The following PSMD1 variants were observed in gnomAD, a reference collection of about 807,000 sequenced individuals.
PSMD1 encodes proteasome 26S subunit, non-ATPase 1.
Under a neutral mutation model 119.0 loss-of-function variants are expected in PSMD1, and 18 were observed. The ratio of observed to expected loss-of-function variants is 0.15; its 90% confidence interval spans 0.10 to 0.22. PSMD1 has a LOEUF of 0.22. Among genes scored for constraint, PSMD1 ranks in the 10% least tolerant of loss-of-function variants. The pLI is 1.00. For synonymous variants in PSMD1, 374 were observed against 396.6 expected, an observed-to-expected ratio of 0.94 and a Z score of 0.68; for missense variants, 702 against 1,158.5, an observed-to-expected ratio of 0.61 and a Z score of 5.72.
chr2:231,132,273 G>T (rs1695873519), intron 16 of PSMD1, among the ~76,000 whole-genome samples: 4 of 152,140 alleles, frequency 2.6e-5, no homozygotes, highest in Non-Finnish European at 5.9e-5. Flanking sequence ...AAGTAAAAAT[G>T]ACAAAATAAA....
At position 231,171,684 on chromosome 2, in the gene PSMD1, G is replaced by A. The variant is rs565152760; in HGVS notation, c.*10-851G>A. On this transcript the variant is annotated intron_variant, in intron 24 of 24. Coordinates refer to ENST00000308696, the MANE Select transcript of PSMD1 (RefSeq NM_002807.4). ...CGATTCTCCTGCCTCAGCCTTTCGAGTAGCTGGGATTACAGGCATGCGCCA... is the reference window on the plus strand; with the variant it reads ...CGATTCTCCTGCCTCAGCCTTTCGAATAGCTGGGATTACAGGCATGCGCCA... Among the ~76,000 whole-genome samples, 3 of 151,470 alleles carry A rather than the reference G, an allele frequency of 2.0e-5. No homozygotes were observed. In the East Asian group the frequency reaches 5.8e-4, roughly 30 times the overall value.
intron 16 of PSMD1, among the ~76,000 whole-genome samples, chr2:231,125,485 G>A (rs1267488230): frequency 3.9e-5 from 6 of 152,154 alleles, no homozygotes; most frequent in Admixed American, 1.3e-4. Flanking sequence ...TAGCTTTTGT[G>A]CCTTTGCTGT....
At chr2:231,083,809 A>G (rs774245256) in intron 14 of PSMD1, 46 bp downstream of exon 14, 100 of 1,574,622 alleles carry the variant, frequency 6.4e-5, no homozygotes, top group Non-Finnish European at 8.6e-5. Context: ...TCCAGCATGT[A>G]AAAAACACTT....
At chr2:231,094,407 T>C (rs915729491) in intron 16 of PSMD1, among the ~76,000 whole-genome samples, 2 of 152,014 alleles carry the variant, frequency 1.3e-5, no homozygotes, top group Non-Finnish European at 2.9e-5. Context: ...TGATTAGAAA[T>C]AGGATGTGTA....
intron 22 of PSMD1, among the ~76,000 whole-genome samples, 162 bp from the exon 23 acceptor site, chr2:231,165,708 TA>T (rs1696762831): frequency 6.6e-6 from 1 of 152,216 alleles, no homozygotes; most frequent in Admixed American, 6.5e-5. Context: ...TAAGCAGAGT[TA>T]CTTTTCCCTC....
Position 231,170,504 on chromosome 2 carries a change from T to C in PSMD1, c.2716-62T>C. 2 of 1,462,936 alleles carry C rather than the reference T, an allele frequency of 1.4e-6. No individual in the cohort carries two copies. The highest frequency in any genetic ancestry group is 1.8e-6 in the Non-Finnish European group (2 of 1,094,448). The allele number at this position is 1,462,936 out of a possible 1,614,324, so 90.6% of individuals were successfully genotyped here. On this transcript the variant is annotated intron_variant, in intron 23 of 24. Coordinates refer to ENST00000308696, the MANE Select transcript of PSMD1 (RefSeq NM_002807.4). This position sits in a 1 kb window ranked among gnomAD's most constrained non-coding sequence, Gnocchi z 4.1. The stretch of plus-strand genomic sequence containing the variant: ...AAAGTACCATTTAACAAGTATTTAC[T>C]CTAGATTGTGGAGCACGCTTGAAAT...
chr2:231,083,021 AGC>A, intron 13 of PSMD1, 27 bp downstream of exon 13: 1 of 1,499,960 alleles, frequency 6.7e-7, no homozygotes, highest in South Asian at 1.1e-5. Flanking sequence ...AAAGCTAACA[AGC>A]TTAAGTATTA....
At chr2:231,160,309 G>A (rs1696607762) in intron 19 of PSMD1, among the ~76,000 whole-genome samples, 1 of 152,186 alleles carries the variant, frequency 6.6e-6, no homozygotes, top group South Asian at 2.1e-4. Context: ...CATGGTTACA[G>A]GGCTAGTTAA....
rs542928223 is a variant in PSMD1 at position 231,167,696 on chromosome 2, G to C, written c.2715+1679G>C. ...TTGACTTTAGTGGACACACAAATCA[G>C]GGAATACAAACTTTATAGAATAGGA... On this transcript the variant is annotated intron_variant, in intron 23 of 24. Transcript: ENST00000308696. Among the ~76,000 whole-genome samples, 8 of 152,280 alleles carry C rather than the reference G, an allele frequency of 5.3e-5. No individual in the cohort carries two copies. In the South Asian group the frequency reaches 1.7e-3, roughly 32 times the overall value.
intron 18 of PSMD1, among the ~76,000 whole-genome samples, chr2:231,152,225 G>C (rs1696392092): frequency 6.6e-6 from 1 of 152,172 alleles, no homozygotes; most frequent in South Asian, 2.1e-4. Flanking sequence ...TGTGTGCTGG[G>C]TAGTGGCAGA....
intron 16 of PSMD1, among the ~76,000 whole-genome samples, chr2:231,098,655 G>A (rs1309713854): frequency 6.6e-6 from 1 of 151,974 alleles, no homozygotes; most frequent in African/African-American, 2.4e-5. Flanking sequence ...TTCCTCTAGG[G>A]GAGGGACCAG....
intron 1 of PSMD1, 99 bp downstream of exon 1, chr2:231,057,140 G>A: frequency 1.4e-6 from 2 of 1,380,514 alleles, no homozygotes; most frequent in Non-Finnish European, 1.9e-6. Context: ...CCGGCGGAAC[G>A]CCGGCCTGGG....
intron 16 of PSMD1, chr2:231,113,889 C>T (rs778814809): frequency 1.5e-5 from 25 of 1,613,990 alleles, no homozygotes; most frequent in Non-Finnish European, 2.1e-5. Flanking sequence ...CAAGAAATAA[C>T]CAGGCAGGAC....
At chr2:231,165,400 A>G (rs1320998206) in intron 22 of PSMD1, 114 bp downstream of exon 22, 1 of 1,242,208 alleles carries the variant, frequency 8.1e-7, no homozygotes, top group African/African-American at 1.5e-5. Flanking sequence ...TCAAACAATT[A>G]TCCTGTTGCC....
chr2:231,084,200 A>C (rs1694379804), intron 14 of PSMD1, among the ~76,000 whole-genome samples: 2 of 151,960 alleles, frequency 1.3e-5, no homozygotes, highest in Non-Finnish European at 2.9e-5. Flanking sequence ...CGTAGAAAAA[A>C]AATTAGCCAG....
At chr2:231,086,191 A>G (rs577347890) in intron 15 of PSMD1, among the ~76,000 whole-genome samples, 1 of 152,116 alleles carries the variant, frequency 6.6e-6, no homozygotes, top group South Asian at 2.1e-4. Flanking sequence ...CTACAGGCAC[A>G]CACCACCGTG....
At chr2:231,127,274 C>CAAAAAAAAA (rs774471116) in intron 16 of PSMD1, among the ~76,000 whole-genome samples, 2 of 115,736 alleles carry the variant, frequency 1.7e-5, no homozygotes, top group Non-Finnish European at 3.8e-5. Flanking sequence ...ACAACAACAA[C>CAAAAAAAAA]AAAAAAAAAA....
At chr2:231,113,563 G>T (rs1295809867) in intron 16 of PSMD1, among the ~76,000 whole-genome samples, 1 of 152,218 alleles carries the variant, frequency 6.6e-6, no homozygotes, top group African/African-American at 2.4e-5. Flanking sequence ...GTATGTTTTA[G>T]AAGGCGTATG....
intron 16 of PSMD1, among the ~76,000 whole-genome samples, chr2:231,102,655 T>C (rs1329852238): frequency 6.6e-6 from 1 of 151,806 alleles, no homozygotes; most frequent in Non-Finnish European, 1.5e-5. Flanking sequence ...TGTCCTCACA[T>C]TGGGTTGGTG....
Sources: allele counts gnomAD v4.1 joint callset (sites outside exome capture counted in the v4.1 genomes callset), GRCh38; gene constraint gnomAD v4.1.1; non-coding constraint Gnocchi (gnomAD v3.1); transcripts MANE v1.5; gene names NCBI Gene and HGNC (gene_info 2026-07-23, HGNC 2026-07-21).